Variants in MCFD2 observed in about 807,000 individuals in gnomAD.
MCFD2 encodes the protein multiple coagulation factor deficiency protein 2.
Under a neutral mutation model 12.8 loss-of-function variants are expected in MCFD2, and 11 were observed. That is an observed-to-expected ratio of 0.86 (90% CI 0.54 to 1.42). The LOEUF (loss-of-function observed/expected upper bound fraction) is 1.42, where lower values mean the gene tolerates loss of function less well. MCFD2 is among the 40% of genes most tolerant of loss of function. The probability of loss-of-function intolerance (pLI) is 0.00; values close to 1 mark genes in which losing one functional copy is unlikely to be tolerated. For synonymous variants in MCFD2, 70 were observed against 68.1 expected (o/e 1.03, Z -0.14); for missense variants, 191 against 178.6 (o/e 1.07, Z -0.40).
chr2:46,907,874 T>C lies in MCFD2; in HGVS notation c.245A>G (p.Tyr82Cys), dbSNP rs1294877068. ...LQLHYFKMHD[Y>C]DGNNLLDGLE... ...GCCATCAAGCAAATTATTGCCATCA[T>C]AATCATGCATTTTGAAGTAATGGAG... Residue 82 changes from tyrosine (Y) to cysteine (C), a missense_variant, in exon 3 of 4, where the codon TAT becomes TGT. Coordinates refer to ENST00000319466, the MANE Select transcript of MCFD2 (RefSeq NM_139279.6). This position sits in a 1 kb window ranked among gnomAD's most constrained non-coding sequence, Gnocchi z 4.1. 6.2e-7 allele frequency: 1 copy of C among 1,614,206 alleles called. No homozygotes were observed. Among genetic ancestry groups the C allele is most frequent in the Non-Finnish European group, 8.5e-7 (1 of 1,180,030 alleles).
rs747066175 is a variant in MCFD2, at chr2:46,903,802, A to G, written c.*1661T>C. ...TTATAAATAAGGGAAGCAAAGCATA[A>G]AAGTTTGGAAATTTGCAGCCTGACT... is the stretch of plus-strand genomic sequence containing the variant. On this transcript the variant is annotated 3_prime_UTR_variant, in exon 4 of 4. Coordinates refer to ENST00000319466, the MANE Select transcript of MCFD2 (RefSeq NM_139279.6). 9.9e-5 allele frequency: 15 copies of G among 152,214 alleles called. No homozygotes were observed. Among genetic ancestry groups the G allele is most frequent in the Admixed American group, 2.6e-4 (4 of 15,284 alleles). 9.4% of individuals were successfully genotyped at this position (152,214 alleles called of 1,614,324 possible).
chr2:46,914,102 C>T (rs35645564), intron 1 of MCFD2: 6,391 of 152,396 alleles, frequency 0.042, 181 homozygotes, highest in Middle Eastern at 0.088. Context: ...CCTGGCTCAT[C>T]GCTGAATCAG....
Position 46,937,849 on chromosome 2 carries a change from C to G in MCFD2, c.-8+3723G>C, listed in dbSNP as rs1288604396. On this transcript the variant is annotated intron_variant, in intron 1 of 2. Coordinates refer to the MCFD2 transcript ENST00000409147. This position sits in a 1 kb window ranked among gnomAD's most constrained non-coding sequence, Gnocchi z 4.0. ...CTATCGGCAGTCTTCCCTGTGAAAG[C>G]AAAATGTGCTGTAATTAGTTCTTTG... Among the ~76,000 whole-genome samples, 1 of 152,184 alleles carries G rather than the reference C, an allele frequency of 6.6e-6. No individual in the cohort carries two copies. The highest frequency in any genetic ancestry group is 2.4e-5 in the African/African-American group (1 of 41,432).
chr2:46,912,229 T>C (rs1455318780), intron 1 of MCFD2, among the ~76,000 whole-genome samples: 1 of 152,030 alleles, frequency 6.6e-6, no homozygotes, highest in Non-Finnish European at 1.5e-5. Context: ...ATCCCAGCTA[T>C]TTGGGAGGCT....
chr2:46,911,775 A>T (rs1221933608), intron 1 of MCFD2, among the ~76,000 whole-genome samples: 1 of 151,946 alleles, frequency 6.6e-6, no homozygotes, highest in Non-Finnish European at 1.5e-5. Context: ...CAAAAATAAA[A>T]ATTAGCCAGG....
intron 1 of MCFD2, among the ~76,000 whole-genome samples, chr2:46,922,092 CAA>C (rs1161062788): frequency 6.6e-6 from 1 of 152,160 alleles, no homozygotes; most frequent in African/African-American, 2.4e-5. Context: ...TGGCATCCAG[CAA>C]AGAGTCTAGT....
At chr2:46,929,349 T>C (rs1669572440) in intron 1 of MCFD2, among the ~76,000 whole-genome samples, 1 of 152,036 alleles carries the variant, frequency 6.6e-6, no homozygotes, top group Admixed American at 6.6e-5. Flanking sequence ...TACCTGGCTG[T>C]GGTGGTACAC....
rs529249007 is a variant in MCFD2, at chr2:46,924,938, A to G, written c.-8+16634T>C. 5.0e-4 allele frequency among the ~76,000 whole-genome samples: 76 copies of G among 152,252 alleles called. 1 individual carries two copies. Among genetic ancestry groups the G allele is most frequent in the Non-Finnish European group, 8.4e-4 (57 of 68,030 alleles). On this transcript the variant is annotated intron_variant, in intron 1 of 2. Transcript: ENST00000409147. ...CAGCCTGCCACAGCCTTCATTGGAT[A>G]TTTTCAAGAGTACTCTTAGTTTTTG...
intron 1 of MCFD2, among the ~76,000 whole-genome samples, chr2:46,923,605 G>T (rs539641402): frequency 6.6e-6 from 1 of 152,160 alleles, no homozygotes; most frequent in Non-Finnish European, 1.5e-5. Context: ...TTAAAACTCA[G>T]AATTGACCAG....
intron 1 of MCFD2, among the ~76,000 whole-genome samples, chr2:46,930,603 G>A (rs756224463): frequency 7.3e-5 from 11 of 151,124 alleles, no homozygotes; most frequent in South Asian, 6.2e-4. Context: ...AGGTTCAAGC[G>A]ATTCTCCTGC....
chr2:46,934,127 A>G (rs1572655489), intron 1 of MCFD2, among the ~76,000 whole-genome samples: 1 of 152,206 alleles, frequency 6.6e-6, no homozygotes, highest in African/African-American at 2.4e-5. Context: ...AACAGAAACC[A>G]TCTACACCTA....
In MCFD2 at chr2:46,940,969, G is replaced by A. The variant is rs539393337; in HGVS notation, c.-8+603C>T. 7.3e-3 allele frequency among the ~76,000 whole-genome samples: 1,116 copies of A among 152,274 alleles called. 10 individuals are homozygous for A. Among genetic ancestry groups the A allele is most frequent in the Middle Eastern group, 0.024 (7 of 294 alleles). On this transcript the variant is annotated intron_variant, in intron 1 of 2. Coordinates refer to the MCFD2 transcript ENST00000409147. The surrounding 1 kb of genome is among the most constrained non-coding windows in gnomAD (Gnocchi z 4.7). ...GCTAAGAGCCCCGATGGGATGGGGA[G>A]GGGGCGGGAAGCGAGGCGCCCCCGG...
At chr2:46,909,589 C>T (rs1558462855) in intron 1 of MCFD2, among the ~76,000 whole-genome samples, 2 of 152,132 alleles carry the variant, frequency 1.3e-5, no homozygotes, top group African/African-American at 2.4e-5. Context: ...AAATCTCCTC[C>T]GAGTGGAGGA....
In MCFD2 at chr2:46,907,667, G is replaced by A. The variant is rs934843890; in HGVS notation, c.309+143C>T. On this transcript the variant is annotated intron_variant, in intron 3 of 3. Coordinates refer to ENST00000319466, the MANE Select transcript of MCFD2 (RefSeq NM_139279.6). This position sits in a 1 kb window ranked among gnomAD's most constrained non-coding sequence, Gnocchi z 4.1. ...CCACTTTGGCCTCCCAAAGTGCTGG[G>A]ATTACAGATGCGAGCCATCATGCCC... is the stretch of plus-strand genomic sequence containing the variant. The A allele has an allele frequency of 1.4e-5, 13 of 913,686 alleles. No homozygotes were observed. The East Asian group carries it at 3.3e-4, about 23-fold the overall frequency. 56.6% of individuals were successfully genotyped at this position (913,686 alleles called of 1,614,324 possible). A position where few individuals can be genotyped will look rare whatever the true frequency, so the allele number is the denominator to read the frequency against.
chr2:46,927,178 AT>A (rs1196037845), intron 1 of MCFD2, among the ~76,000 whole-genome samples: 1 of 152,134 alleles, frequency 6.6e-6, no homozygotes, highest in East Asian at 1.9e-4. Flanking sequence ...CAAAGACAGT[AT>A]TTGAAGAGAT....
intron 1 of MCFD2, among the ~76,000 whole-genome samples, chr2:46,931,052 TCAAA>T (rs2103840696): frequency 6.6e-6 from 1 of 152,294 alleles, no homozygotes; most frequent in East Asian, 1.9e-4. Context: ...GCAATTCAAA[TCAAA>T]CAATATATAA....
chr2:46,939,104 C>CGGGA lies in MCFD2; in HGVS notation c.-8+2467_-8+2468insTCCC, dbSNP rs538504986. Among the ~76,000 whole-genome samples the CGGGA allele has an allele frequency of 9.9e-5, 15 of 151,848 alleles. No individual in the cohort carries two copies. The East Asian group carries it at 2.9e-3, about 29-fold the overall frequency. On this transcript the variant is annotated intron_variant, in intron 1 of 2. Transcript: ENST00000409147. Reference sequence around the variant, plus strand: ...CAGCCTGGGCAACACAGCAAGATCCCGTCTCTACAAACAAAATAATAAATT... The same window carrying CGGGA: ...CAGCCTGGGCAACACAGCAAGATCCCGGGAGTCTCTACAAACAAAATAATAAATT...
intron 1 of MCFD2, among the ~76,000 whole-genome samples, chr2:46,914,758 G>A (rs1668636241): frequency 6.6e-6 from 1 of 152,206 alleles, no homozygotes; most frequent in South Asian, 2.1e-4. Flanking sequence ...TAAAGGATAA[G>A]AAGGATTATT....
At chr2:46,927,277 A>T (rs1558476844) in intron 1 of MCFD2, among the ~76,000 whole-genome samples, 1 of 152,146 alleles carries the variant, frequency 6.6e-6, no homozygotes, top group African/African-American at 2.4e-5. Flanking sequence ...TAATGAAAAG[A>T]AACCTAAGCT....
Sources: gnomAD v4.1 joint callset for allele counts (sites outside exome capture counted in the v4.1 genomes callset) on GRCh38, gnomAD v4.1.1 for gene constraint, Gnocchi (gnomAD v3.1) non-coding constraint, MANE v1.5 for transcripts, NCBI Gene and HGNC (gene_info 2026-07-23, HGNC 2026-07-21) for gene names.